Variants in WDR1 observed in about 807,000 individuals in gnomAD.
WDR1 encodes the protein WD repeat-containing protein 1.
A neutral mutation model predicts 71.9 loss-of-function variants in WDR1; 21 were observed. That is an observed-to-expected ratio of 0.29 (90% CI 0.21 to 0.42). The LOEUF (loss-of-function observed/expected upper bound fraction) is 0.42. Ranked by LOEUF, WDR1 falls within the 10% of genes least tolerant of loss-of-function variation. The probability of loss-of-function intolerance (pLI) is 1.00; values close to 1 mark genes in which losing one functional copy is unlikely to be tolerated. For missense variants in WDR1, 696 were observed against 824.5 expected (o/e 0.84, Z 1.91); for synonymous variants, 424 against 347.4 (o/e 1.22, Z -2.45).
At chr4:10,099,710 G>A (rs561791272) in intron 3 of WDR1, among the ~76,000 whole-genome samples, 6 of 152,362 alleles carry the variant, frequency 3.9e-5, no homozygotes, top group Non-Finnish European at 7.3e-5. Context: ...CCTGCAGACC[G>A]GGCTTCCTGT....
intron 2 of WDR1, among the ~76,000 whole-genome samples, chr4:10,111,592 T>C (rs1211937711): frequency 6.6e-6 from 1 of 152,140 alleles, no homozygotes; most frequent in African/African-American, 2.4e-5. Flanking sequence ...AGGGCCTCCA[T>C]CCTGCACCCC....
chr4:10,099,384 TTTGCCAGAAATC>T (rs1325467526), intron 3 of WDR1, among the ~76,000 whole-genome samples: 4 of 152,254 alleles, frequency 2.6e-5, no homozygotes, highest in South Asian at 2.1e-4. Flanking sequence ...GCCTCTGCAT[TTTGCCAGAAATC>T]TTGCCAGAAA....
At chr4:10,111,291 C>A (rs1432257747) in intron 2 of WDR1, among the ~76,000 whole-genome samples, 3 of 152,182 alleles carry the variant, frequency 2.0e-5, no homozygotes, top group Non-Finnish European at 4.4e-5. Context: ...CAGTAACAGC[C>A]CATAAGCACC....
intron 2 of WDR1, among the ~76,000 whole-genome samples, chr4:10,113,658 G>A (rs1187184931): frequency 1.3e-5 from 2 of 152,244 alleles, no homozygotes; most frequent in East Asian, 3.8e-4. Flanking sequence ...GGAGTCTGGG[G>A]GCAATAAGTC....
intron 3 of WDR1, among the ~76,000 whole-genome samples, chr4:10,103,597 GAA>G: frequency 6.6e-6 from 1 of 151,842 alleles, no homozygotes; most frequent in Non-Finnish European, 1.5e-5. Context: ...AAAAAGAAAA[GAA>G]AAAAAACCTC....
chr4:10,101,862 C>T (rs567449487), intron 3 of WDR1, among the ~76,000 whole-genome samples: 2 of 152,212 alleles, frequency 1.3e-5, no homozygotes, highest in African/African-American at 4.8e-5. Flanking sequence ...AAAAGACATT[C>T]GGGCCAAATC....
intron 2 of WDR1, among the ~76,000 whole-genome samples, chr4:10,105,970 C>T (rs977152137): frequency 1.3e-5 from 2 of 152,220 alleles, no homozygotes; most frequent in African/African-American, 4.8e-5. Flanking sequence ...AGCTATCAAT[C>T]GCCAACATGT....
chr4:10,075,786 C>T, intron 14 of WDR1: 2 of 498,946 alleles, frequency 4.0e-6, no homozygotes, highest in Non-Finnish European at 3.6e-6. Flanking sequence ...CCAAGTTCCA[C>T]AGGAGTGAAA....
chr4:10,106,407 A>T (rs904822516), intron 2 of WDR1: 2 of 152,278 alleles, frequency 1.3e-5, no homozygotes, highest in Non-Finnish European at 2.9e-5. Context: ...CCCCTCCAAG[A>T]CCCTGTTCGG....
chr4:10,105,112 C>T (rs1712939722), intron 2 of WDR1, among the ~76,000 whole-genome samples: 1 of 152,230 alleles, frequency 6.6e-6, no homozygotes, highest in African/African-American at 2.4e-5. Flanking sequence ...ACCCACTCAC[C>T]CATCAGGCCT....
At chr4:10,102,861 C>G (rs150276867) in intron 3 of WDR1, among the ~76,000 whole-genome samples, 10 of 152,140 alleles carry the variant, frequency 6.6e-5, no homozygotes, top group Non-Finnish European at 1.0e-4. Flanking sequence ...TGATGAGGCC[C>G]ACATCAGCTT....
At chr4:10,092,339 C>T (rs890493109) in intron 5 of WDR1, 1 of 152,354 alleles carries the variant, frequency 6.6e-6, no homozygotes, top group African/African-American at 2.4e-5. Context: ...TCAATTCCAA[C>T]CTGTCACAAG....
At chr4:10,105,050 A>C (rs1403681814) in intron 2 of WDR1, among the ~76,000 whole-genome samples, 1 of 151,980 alleles carries the variant, frequency 6.6e-6, no homozygotes, top group Admixed American at 6.6e-5. Flanking sequence ...TTTAAGCTCC[A>C]CGTCTGTGTG....
At position 10,078,925 on chromosome 4, in the gene WDR1, T is replaced by G; in HGVS notation, c.1361A>C (p.His454Pro). Reference sequence around the variant, plus strand: ...AATTGCCACCGTGTCCCCGCCGGGGTGCACTGCCACAACTTCGGGCTCGTA... The same window carrying G: ...AATTGCCACCGTGTCCCCGCCGGGGGGCACTGCCACAACTTCGGGCTCGTA... ...PGYEPEVVAV[H>P]PGGDTVAIGG... Residue 454 changes from histidine (H) to proline (P), a missense_variant, in exon 12 of 15, where the codon CAC (histidine) becomes CCC (proline). Transcript: ENST00000499869. 6.2e-7 allele frequency: 1 copy of G among 1,612,632 alleles called. No homozygotes were observed. The highest frequency in any genetic ancestry group is 8.5e-7 in the Non-Finnish European group (1 of 1,179,248).
rs1418803475 is a variant in WDR1 at position 10,092,796 on chromosome 4, G to A, written c.559-4055C>T. The A allele has an allele frequency of 1.2e-5, 4 of 331,380 alleles. 1 individual carries two copies. Among genetic ancestry groups the A allele is most frequent in the South Asian group, 4.6e-5 (2 of 43,702 alleles). The allele number at this position is 331,380 out of a possible 1,614,324, so 20.5% of individuals were successfully genotyped here. ...AGGGAGAGGGATTGGGGAACCTCCC[G>A]GGGAGTTCAGGGGCAGCAGCTTCCT... On this transcript the variant is annotated intron_variant, in intron 5 of 14. Transcript: ENST00000499869.
At chr4:10,088,602 G>T in intron 6 of WDR1, 62 bp downstream of exon 6, 1 of 1,423,186 alleles carries the variant, frequency 7.0e-7, no homozygotes, top group Non-Finnish European at 9.7e-7. Context: ...CTGCGGCTCT[G>T]AGCAGTCACG....
chr4:10,080,163 G>A (rs775075068), intron 11 of WDR1, among the ~76,000 whole-genome samples: 55 of 152,208 alleles, frequency 3.6e-4, no homozygotes, highest in Non-Finnish European at 5.3e-4. Context: ...CTGGGCAGCA[G>A]GCGCCAGCTG....
chr4:10,088,573 A>G (rs962966522), intron 6 of WDR1, 91 bp downstream of exon 6: 2 of 1,244,234 alleles, frequency 1.6e-6, no homozygotes, highest in Non-Finnish European at 2.3e-6. Context: ...TCTGCATGTC[A>G]GGACTAGCAT....
intron 4 of WDR1, among the ~76,000 whole-genome samples, chr4:10,098,630 TGGCAGCTTCATGG>T (rs1712504293): frequency 6.6e-6 from 1 of 152,232 alleles, no homozygotes; most frequent in South Asian, 2.1e-4. Flanking sequence ...TCAGCCTCCC[TGGCAGCTTCATGG>T]GGCAGCTGCT....
Sources: gnomAD v4.1 joint callset for allele counts (sites outside exome capture counted in the v4.1 genomes callset) on GRCh38, gnomAD v4.1.1 for gene constraint, MANE v1.5 for transcripts, NCBI Gene and HGNC (gene_info 2026-07-23, HGNC 2026-07-21) for gene names.